The following TXNL4A variants were observed in gnomAD, a reference collection of about 807,000 sequenced individuals.
The protein encoded by TXNL4A is thioredoxin-like protein 4A.
TXNL4A carries 17 observed loss-of-function variants against 14.6 expected under a neutral mutation model. The observed-to-expected ratio is 1.16, with a 90% CI of 0.80 to 1.74. The LOEUF (loss-of-function observed/expected upper bound fraction) is 1.74, where lower values mean the gene tolerates loss of function less well. TXNL4A is among the 40% of genes most tolerant of loss of function. The pLI, the probability that TXNL4A is intolerant of heterozygous loss-of-function variation, is 0.00. For missense variants in TXNL4A, 74 were observed against 195.2 expected (o/e 0.38, Z 3.70); for synonymous variants, 83 against 70.6 (o/e 1.18, Z -0.88).
At chr18:80,020,128 T>C (rs189250360) in intron 1 of TXNL4A, among the ~76,000 whole-genome samples, 218 of 152,298 alleles carry the variant, frequency 1.4e-3, no homozygotes, top group African/African-American at 5.1e-3. Flanking sequence ...AAACGGGAGT[T>C]TGCCAGCACA....
rs904849180 is a variant in TXNL4A at position 79,973,468 on chromosome 18, G to A, written c.*217C>T. Reference sequence around the variant, plus strand: ...GAATTAACTTTGACTAGGAAAATCAGTAATCTATTCATTAAGTTTCCTGAG... The same window carrying A: ...GAATTAACTTTGACTAGGAAAATCAATAATCTATTCATTAAGTTTCCTGAG... On this transcript the variant is annotated 3_prime_UTR_variant, in exon 3 of 3. Coordinates refer to ENST00000269601, the MANE Select transcript of TXNL4A (RefSeq NM_006701.5). 2.0e-6 allele frequency: 1 copy of A among 494,516 alleles called. No individual in the cohort carries two copies. The highest frequency in any genetic ancestry group is 5.4e-4 in the Middle Eastern group (1 of 1,846). The allele number at this position is 494,516 out of a possible 1,614,324, so 30.6% of individuals were successfully genotyped here.
intron 1 of TXNL4A, among the ~76,000 whole-genome samples, chr18:80,016,192 C>A (rs1272721300): frequency 6.6e-6 from 1 of 151,728 alleles, no homozygotes; most frequent in African/African-American, 2.4e-5. Flanking sequence ...ATCCTTTGCC[C>A]ACTTGTTGAT....
At chr18:80,013,408 A>ATTGCACCCAGCCTACTT (rs2051785546) in intron 1 of TXNL4A, among the ~76,000 whole-genome samples, 2 of 151,738 alleles carry the variant, frequency 1.3e-5, no homozygotes. Context: ...GGCGTGAGCC[A>ATTGCACCCAGCCTACTT]CCACACCTGG....
intron 1 of TXNL4A, among the ~76,000 whole-genome samples, chr18:79,985,558 CTTTA>C (rs2051534304): frequency 6.6e-6 from 1 of 152,148 alleles, no homozygotes; most frequent in African/African-American, 2.4e-5. Context: ...CAGATGAAAA[CTTTA>C]TTTATTATTA....
chr18:79,992,876 TAAAAA>T (rs59567705), upstream of TXNL4A, among the ~76,000 whole-genome samples: 191 of 78,616 alleles, frequency 2.4e-3, no homozygotes, highest in African/African-American at 8.3e-3. Context: ...TCATCTTATG[TAAAAA>T]AAAAAAAAAA....
At chr18:80,007,288 C>T (rs371572888) in intron 1 of TXNL4A, among the ~76,000 whole-genome samples, 10 of 152,314 alleles carry the variant, frequency 6.6e-5, no homozygotes, top group African/African-American at 1.4e-4. Flanking sequence ...TCTCAAAATG[C>T]GAGGTCCCTG....
At chr18:80,019,311 C>A (rs1300615735) in intron 1 of TXNL4A, among the ~76,000 whole-genome samples, 1 of 152,186 alleles carries the variant, frequency 6.6e-6, no homozygotes, top group Admixed American at 6.5e-5. Context: ...GCACTTCTTA[C>A]ATGGTGGCAG....
chr18:80,021,062 C>T (rs2051845332), intron 1 of TXNL4A, among the ~76,000 whole-genome samples: 1 of 152,100 alleles, frequency 6.6e-6, no homozygotes, highest in Non-Finnish European at 1.5e-5. Flanking sequence ...AAAACTTTAA[C>T]CTGAGGATGA....
intron 1 of TXNL4A, among the ~76,000 whole-genome samples, chr18:80,024,742 T>G (rs1322966356): frequency 6.6e-6 from 1 of 152,118 alleles, no homozygotes; most frequent in Non-Finnish European, 1.5e-5. Context: ...CAGGTGCATA[T>G]AAGGAACCGA....
chr18:79,977,794 G>C (rs2051401136), intron 1 of TXNL4A, 93 bp from the exon 2 acceptor site: 1 of 875,608 alleles, frequency 1.1e-6, no homozygotes. Flanking sequence ...CCAAGAATTT[G>C]TGTGGATCAG....
chr18:79,986,277 C>T (rs937619230), intron 1 of TXNL4A, among the ~76,000 whole-genome samples: 5 of 152,294 alleles, frequency 3.3e-5, no homozygotes, highest in Admixed American at 6.5e-5. Flanking sequence ...CTCAAGTGAT[C>T]GCCTACGCTG....
At chr18:79,981,792 A>G (rs1328377444) in intron 1 of TXNL4A, among the ~76,000 whole-genome samples, 1 of 152,240 alleles carries the variant, frequency 6.6e-6, no homozygotes, top group Non-Finnish European at 1.5e-5. Context: ...GAGAATTCTA[A>G]CAGAGGCAAA....
chr18:79,986,278 G>A (rs1370155204), intron 1 of TXNL4A, among the ~76,000 whole-genome samples: 3 of 152,134 alleles, frequency 2.0e-5, no homozygotes, highest in Admixed American at 6.6e-5. Flanking sequence ...TCAAGTGATC[G>A]CCTACGCTGG....
intron 1 of TXNL4A, chr18:79,986,494 C>T (rs1430682136): frequency 2.3e-6 from 2 of 874,096 alleles, no homozygotes; most frequent in Non-Finnish European, 2.7e-6. Flanking sequence ...AGTGTGTGTC[C>T]ACTATGTGTG....
At chr18:79,980,347 A>G (rs2051444349) in intron 1 of TXNL4A, among the ~76,000 whole-genome samples, 1 of 152,222 alleles carries the variant, frequency 6.6e-6, no homozygotes, top group African/African-American at 2.4e-5. Context: ...GTCACGGGAA[A>G]TCAATGGGAT....
At chr18:80,024,797 C>T (rs912236757) in intron 1 of TXNL4A, among the ~76,000 whole-genome samples, 2 of 152,128 alleles carry the variant, frequency 1.3e-5, no homozygotes, top group African/African-American at 2.4e-5. Context: ...GCCAGGTAGC[C>T]GTGACACAGG....
chr18:79,992,876 T>TAAAAAAAAAAAAAAAAAAA (rs59567705), upstream of TXNL4A, among the ~76,000 whole-genome samples: 1 of 78,600 alleles, frequency 1.3e-5, no homozygotes, highest in African/African-American at 4.7e-5. Flanking sequence ...TCATCTTATG[T>TAAAAAAAAAAAAAAAAAAA]AAAAAAAAAA....
At chr18:80,013,690 C>T (rs1371487040) in intron 1 of TXNL4A, among the ~76,000 whole-genome samples, 1 of 152,104 alleles carries the variant, frequency 6.6e-6, no homozygotes, top group African/African-American at 2.4e-5. Flanking sequence ...GTGATCCACC[C>T]ACCTCAGTCT....
chr18:79,990,218 A>G (rs1020925372), upstream of TXNL4A, among the ~76,000 whole-genome samples: 1 of 152,252 alleles, frequency 6.6e-6, no homozygotes, highest in Non-Finnish European at 1.5e-5. Flanking sequence ...AGCTTTTTAC[A>G]TAATACAGAA....
Sources: gnomAD v4.1 joint callset for allele counts (sites outside exome capture counted in the v4.1 genomes callset) on GRCh38, gnomAD v4.1.1 for gene constraint, MANE v1.5 for transcripts, NCBI Gene and HGNC (gene_info 2026-07-23, HGNC 2026-07-21) for gene names.